Variants in DMD observed in about 807,000 individuals in gnomAD.
DMD encodes the protein mutant dystrophin.
DMD carries 63 observed loss-of-function variants against 330.1 expected under a neutral mutation model. The ratio of observed to expected loss-of-function variants is 0.19; its 90% CI spans 0.16 to 0.24. The LOEUF (loss-of-function observed/expected upper bound fraction) is 0.24, where lower values mean the gene tolerates loss of function less well. DMD is among the 10% of genes least tolerant of loss of function. The pLI, the probability that DMD is intolerant of heterozygous loss-of-function variation, is 1.00. For missense variants in DMD, 3,344 were observed against 2,684.1 expected (o/e 1.25, Z -5.43); for synonymous variants, 1,223 against 959.8 (o/e 1.27, Z -5.07).
intron 60 of DMD, among the ~76,000 whole-genome samples, chrX:31,348,886 G>GTT (rs1227525956): frequency 9.0e-6 from 1 of 111,108 alleles, no homozygotes; most frequent in Non-Finnish European, 1.9e-5. Context: ...TTTTTTTACA[G>GTT]TCAACTCATT....
At chrX:32,918,239 T>A (rs1010247734) in intron 2 of DMD, among the ~76,000 whole-genome samples, 2 of 111,945 alleles carry the variant, frequency 1.8e-5, no homozygotes, top group African/African-American at 3.2e-5. Flanking sequence ...TGACTGTATA[T>A]TAAATAATTT....
rs113605616 is a variant in DMD, at chrX:31,550,425, A to G, written c.8218-42972T>C. Among the ~76,000 whole-genome samples, 540 of 112,125 alleles carry G rather than the reference A, an allele frequency of 4.8e-3. 3 individuals are homozygous for G. Among genetic ancestry groups the G allele is most frequent in the Non-Finnish European group, 7.9e-3 (422 of 53,220 alleles). ...CAGAAGTCTGCTAGAAGAGGCCTTC[A>G]GTTTATCAACACAAAGAGTTTTCTT... is the stretch of plus-strand genomic sequence containing the variant. On this transcript the variant is annotated intron_variant, in intron 55 of 78. Coordinates refer to ENST00000357033, the MANE Select transcript of DMD (RefSeq NM_004006.3).
intron 44 of DMD, among the ~76,000 whole-genome samples, chrX:32,187,893 G>A (rs1183119740): frequency 9.0e-6 from 1 of 110,973 alleles, no homozygotes; most frequent in Non-Finnish European, 1.9e-5. Flanking sequence ...AAATGTAAAT[G>A]TATTTCAGTA....
intron 5 of DMD, among the ~76,000 whole-genome samples, chrX:32,817,408 A>G (rs1386560931): frequency 1.8e-5 from 2 of 112,357 alleles, no homozygotes; most frequent in Non-Finnish European, 3.8e-5. Context: ...ATGTTATTCA[A>G]CAGATTATCA....
At chrX:31,467,411 T>C (rs2066937422) in intron 59 of DMD, among the ~76,000 whole-genome samples, 1 of 111,861 alleles carries the variant, frequency 8.9e-6, no homozygotes, top group Admixed American at 9.5e-5. Flanking sequence ...TTTCCGCTTC[T>C]ATTGAGATAA....
intron 2 of DMD, among the ~76,000 whole-genome samples, chrX:32,900,388 C>G (rs1435342520): frequency 9.0e-6 from 1 of 111,664 alleles, no homozygotes; most frequent in Non-Finnish European, 1.9e-5. Flanking sequence ...GTTTCCCAGG[C>G]TGAAGTTTAG....
In DMD at chrX:32,504,553, G is replaced by A. The variant is rs191225081; in HGVS notation, c.2293-2711C>T. On this transcript the variant is annotated intron_variant, in intron 18 of 78. Transcript: ENST00000357033. ...GAGGCAGGAAAATCCCTTGAACCCG[G>A]GAGGCAGAGGTTGCAGTGAGCCGAG... Among the ~76,000 whole-genome samples the A allele has an allele frequency of 4.7e-4, 51 of 108,710 alleles. No individual in the cohort carries two copies. The Admixed American group carries it at 4.9e-3, about 10-fold the overall frequency. 94.4% of individuals were successfully genotyped at this position (108,710 alleles called of 115,157 possible).
chrX:31,690,893 T>C (rs2083069512), intron 52 of DMD, among the ~76,000 whole-genome samples: 1 of 110,625 alleles, frequency 9.0e-6, no homozygotes, highest in Non-Finnish European at 1.9e-5. Flanking sequence ...CCGCATGTTC[T>C]CACTCATAGG....
intron 43 of DMD, among the ~76,000 whole-genome samples, chrX:32,227,562 G>A (rs989828970): frequency 2.8e-5 from 3 of 107,512 alleles, no homozygotes; most frequent in Non-Finnish European, 5.8e-5. Context: ...TCAGAAGGGC[G>A]AGAGGGTGGG....
At chrX:32,606,168 A>AC (rs2056680593) in intron 12 of DMD, among the ~76,000 whole-genome samples, 1 of 108,105 alleles carries the variant, frequency 9.3e-6, no homozygotes, top group East Asian at 2.9e-4. Flanking sequence ...AACCATCCCC[A>AC]CCTCCCTTCC....
intron 9 of DMD, among the ~76,000 whole-genome samples, chrX:32,664,272 C>T (rs191883643): frequency 1.4e-4 from 13 of 91,748 alleles, no homozygotes; most frequent in African/African-American, 5.0e-4. Context: ...GATGGAGTCT[C>T]GCTCTGTCAC....
chrX:31,461,256 C>T (rs1015974814), intron 59 of DMD, among the ~76,000 whole-genome samples: 2 of 112,061 alleles, frequency 1.8e-5, no homozygotes, highest in African/African-American at 6.5e-5. Context: ...AATATGTCTT[C>T]AGGTACATAC....
intron 41 of DMD, among the ~76,000 whole-genome samples, chrX:32,332,413 AGTGTGTGTGT>A (rs111973319): frequency 9.4e-5 from 9 of 95,337 alleles, no homozygotes; most frequent in African/African-American, 1.6e-4. Context: ...ATGGATAAAA[AGTGTGTGTGT>A]GTGTGTGTGT....
chrX:32,558,701 T>C (rs1236878284), intron 16 of DMD, among the ~76,000 whole-genome samples: 1 of 111,351 alleles, frequency 9.0e-6, no homozygotes, highest in Non-Finnish European at 1.9e-5. Flanking sequence ...GAAATCTGCC[T>C]AGCTTACCTT....
chrX:31,391,183 C>T (rs1423651790), intron 60 of DMD, among the ~76,000 whole-genome samples: 1 of 109,746 alleles, frequency 9.1e-6, no homozygotes, highest in East Asian at 2.9e-4. Context: ...CAGAGTCTTG[C>T]CCTATCACCC....
At chrX:32,529,133 G>C (rs1456798914) in intron 17 of DMD, among the ~76,000 whole-genome samples, 1 of 105,950 alleles carries the variant, frequency 9.4e-6, no homozygotes, top group Admixed American at 1.0e-4. Context: ...CACTGTTTCA[G>C]CCAGGATGGT....
intron 55 of DMD, among the ~76,000 whole-genome samples, chrX:31,514,547 T>C (rs749992361): frequency 1.8e-5 from 2 of 112,272 alleles, no homozygotes; most frequent in East Asian, 5.6e-4. Flanking sequence ...CACATAATGA[T>C]GAAAACTCTT....
intron 60 of DMD, among the ~76,000 whole-genome samples, chrX:31,384,218 G>T (rs1453779192): frequency 1.8e-5 from 2 of 111,375 alleles, no homozygotes; most frequent in Non-Finnish European, 3.8e-5. Flanking sequence ...AACTCAGTGA[G>T]ACTGAGCCAG....
chrX:32,450,565 T>C (rs2098325883), intron 26 of DMD, among the ~76,000 whole-genome samples: 1 of 110,684 alleles, frequency 9.0e-6, no homozygotes, highest in Admixed American at 9.6e-5. Context: ...TCATAAGTGC[T>C]ACCTCATTAG....
Sources: gnomAD v4.1 joint callset for allele counts (sites outside exome capture counted in the v4.1 genomes callset) on GRCh38, gnomAD v4.1.1 for gene constraint, MANE v1.5 for transcripts, NCBI Gene and HGNC (gene_info 2026-07-23, HGNC 2026-07-21) for gene names.